The following FRMPD4 variants were observed in gnomAD, a reference collection of about 807,000 sequenced individuals.
The protein encoded by FRMPD4 is FERM and PDZ domain-containing protein 4.
A neutral mutation model predicts 94.1 loss-of-function variants in FRMPD4; 22 were observed. The observed-to-expected ratio is 0.23, with a 90% CI of 0.17 to 0.33. FRMPD4 has a LOEUF of 0.33. Ranked by LOEUF, FRMPD4 falls within the 10% of genes least tolerant of loss-of-function variation. The probability of loss-of-function intolerance (pLI) is 1.00; values close to 1 mark genes in which losing one functional copy is unlikely to be tolerated. For missense variants in FRMPD4, 1,111 were observed against 1,339.9 expected (o/e 0.83, Z 2.67); for synonymous variants, 631 against 548.6 (o/e 1.15, Z -2.10).
chrX:12,223,901 T>C (rs190795186), intron 1 of FRMPD4, among the ~76,000 whole-genome samples: 1 of 112,298 alleles, frequency 8.9e-6, no homozygotes, highest in African/African-American at 3.2e-5. Flanking sequence ...TTTATTTGTT[T>C]TGCAGAATAC....
At chrX:11,941,953 C>T (rs189302236) in intron 3 of FRMPD4, among the ~76,000 whole-genome samples, 6 of 111,637 alleles carry the variant, frequency 5.4e-5, no homozygotes, top group Non-Finnish European at 9.4e-5. Flanking sequence ...AAAGAACGTG[C>T]AGTGGAGATA....
chrX:12,172,711 G>A (rs2147651796), intron 1 of FRMPD4, among the ~76,000 whole-genome samples: 1 of 112,282 alleles, frequency 8.9e-6, no homozygotes, highest in South Asian at 3.7e-4. Flanking sequence ...GAAGGTGAGA[G>A]AGACCTACTA....
rs951065512 is a variant in FRMPD4, at chrX:12,512,079, G to A, written c.158+13283G>A. Among the ~76,000 whole-genome samples, 10 of 111,993 alleles carry A rather than the reference G, an allele frequency of 8.9e-5. No individual in the cohort carries two copies. In the South Asian group the frequency reaches 1.1e-3, roughly 13 times the overall value. The stretch of plus-strand genomic sequence containing the variant: ...CATCAACACCGAGGCAAAATCTTCC[G>A]TTAGCAAAAAGATTATGATTTGCTG... On this transcript the variant is annotated intron_variant, in intron 2 of 16. Transcript: ENST00000675598.
At chrX:12,193,499 G>A (rs1284103671) in intron 1 of FRMPD4, among the ~76,000 whole-genome samples, 1 of 108,163 alleles carries the variant, frequency 9.2e-6, no homozygotes, top group African/African-American at 3.4e-5. Context: ...TAGTCACAAA[G>A]GAATATATGG....
chrX:12,459,130 G>T (rs770145463), intron 1 of FRMPD4, among the ~76,000 whole-genome samples: 6 of 111,034 alleles, frequency 5.4e-5, no homozygotes, highest in Non-Finnish European at 7.5e-5. Context: ...CTGCCCATTT[G>T]GTGTTAAGCT....
At chrX:12,180,017 G>T (rs891556107) in intron 1 of FRMPD4, among the ~76,000 whole-genome samples, 2 of 110,376 alleles carry the variant, frequency 1.8e-5, no homozygotes, top group Non-Finnish European at 3.8e-5. Flanking sequence ...GGGTATGGGA[G>T]AAATGAGGGA....
chrX:12,506,197 G>A (rs1342521582), intron 2 of FRMPD4, among the ~76,000 whole-genome samples: 1 of 112,103 alleles, frequency 8.9e-6, no homozygotes, highest in Non-Finnish European at 1.9e-5. Context: ...CAAAAAGCAG[G>A]ATAAAAGTGC....
chrX:12,130,118 GAGAGA>G (rs1194589076), intron 3 of FRMPD4, among the ~76,000 whole-genome samples: 16 of 109,624 alleles, frequency 1.5e-4, no homozygotes, highest in African/African-American at 4.6e-4. Context: ...GAGAGAGAGA[GAGAGA>G]GAGAGAGAGA....
At chrX:12,523,385 T>C (rs755472398) in intron 2 of FRMPD4, among the ~76,000 whole-genome samples, 43 of 112,370 alleles carry the variant, frequency 3.8e-4, no homozygotes, top group African/African-American at 1.4e-3. Flanking sequence ...TTCTTTTGGT[T>C]TGAATTCCCC....
chrX:12,007,942 A>G (rs1027203066), intron 3 of FRMPD4, among the ~76,000 whole-genome samples: 5 of 111,597 alleles, frequency 4.5e-5, no homozygotes, highest in African/African-American at 1.3e-4. Flanking sequence ...TGCCCCCATG[A>G]ATGCTAGGAG....
At chrX:12,320,052 C>A (rs758984392) in intron 1 of FRMPD4, among the ~76,000 whole-genome samples, 17 of 111,970 alleles carry the variant, frequency 1.5e-4, no homozygotes, top group Admixed American at 1.3e-3. Flanking sequence ...ATTGTAAACA[C>A]TGTTTAGAGA....
At chrX:12,713,267 C>A (rs1371107747) in intron 14 of FRMPD4, among the ~76,000 whole-genome samples, 2 of 111,477 alleles carry the variant, frequency 1.8e-5, no homozygotes, top group African/African-American at 3.3e-5. Flanking sequence ...AAAACCAAAG[C>A]TACTATTCTA....
At chrX:12,331,792 GTATATAAATTA>G (rs1569234298) in intron 1 of FRMPD4, among the ~76,000 whole-genome samples, 274 of 25,723 alleles carry the variant, frequency 0.011, 50 homozygotes, top group African/African-American at 0.071. Context: ...TTTATATACT[GTATATAAATTA>G]TATATATTTA....
intron 1 of FRMPD4, among the ~76,000 whole-genome samples, chrX:12,438,442 G>T (rs1334364100): frequency 3.7e-5 from 4 of 108,852 alleles, no homozygotes; most frequent in Non-Finnish European, 7.6e-5. Context: ...AAAAGACAGT[G>T]TTGGGGGAAA....
At chrX:12,119,986 T>C (rs1349425403) in intron 3 of FRMPD4, among the ~76,000 whole-genome samples, 1 of 112,347 alleles carries the variant, frequency 8.9e-6, no homozygotes, top group Non-Finnish European at 1.9e-5. Context: ...AATTGTGTAA[T>C]ATTTTTTCTT....
At chrX:12,526,174 G>A (rs748111011) in intron 2 of FRMPD4, among the ~76,000 whole-genome samples, 1 of 112,350 alleles carries the variant, frequency 8.9e-6, no homozygotes, top group Admixed American at 9.4e-5. Flanking sequence ...CAAGCGTATA[G>A]CCATCTGCAG....
At chrX:12,656,233 T>C (rs1569392207) in intron 4 of FRMPD4, among the ~76,000 whole-genome samples, 1 of 112,046 alleles carries the variant, frequency 8.9e-6, no homozygotes, top group Non-Finnish European at 1.9e-5. Flanking sequence ...ATTGAGTTCA[T>C]AGAGTTAGAG....
At chrX:11,919,827 A>G (rs1284371231) in intron 3 of FRMPD4, among the ~76,000 whole-genome samples, 1 of 112,278 alleles carries the variant, frequency 8.9e-6, no homozygotes, top group Non-Finnish European at 1.9e-5. Context: ...CAGTTTATAC[A>G]CAGTAAAGAG....
chrX:12,033,656 T>C (rs2054704103), intron 3 of FRMPD4, among the ~76,000 whole-genome samples: 1 of 111,818 alleles, frequency 8.9e-6, no homozygotes, highest in Non-Finnish European at 1.9e-5. Flanking sequence ...CTGGGTGTCA[T>C]ACACAGAGGA....
Sources: allele counts gnomAD v4.1 joint callset (sites outside exome capture counted in the v4.1 genomes callset), GRCh38; gene constraint gnomAD v4.1.1; transcripts MANE v1.5; gene names NCBI Gene and HGNC (gene_info 2026-07-23, HGNC 2026-07-21).